Variants in ADAMTS9 observed in about 807,000 individuals in gnomAD.
ADAMTS9 encodes the protein A disintegrin and metalloproteinase with thrombospondin motifs 9.
In ADAMTS9, 107 loss-of-function variants were observed where a neutral mutation model predicts 257.1. The ratio of observed to expected loss-of-function variants is 0.42; its 90% CI spans 0.36 to 0.49. The LOEUF (loss-of-function observed/expected upper bound fraction) is 0.49. ADAMTS9 is among the 20% of genes least tolerant of loss of function. ADAMTS9 has a pLI of 0.03. For synonymous variants in ADAMTS9, 982 were observed against 880.9 expected (o/e 1.11, Z -2.03); for missense variants, 2,353 against 2,469.1 (o/e 0.95, Z 1.00).
chr3:64,596,512 T>C (rs911386882), intron 27 of ADAMTS9, among the ~76,000 whole-genome samples: 2 of 152,186 alleles, frequency 1.3e-5, no homozygotes, highest in African/African-American at 4.8e-5. Context: ...AAGACTTCCA[T>C]GGACCGATTT....
chr3:64,667,888 A>C (rs1481393016), intron 3 of ADAMTS9, among the ~76,000 whole-genome samples: 2 of 152,222 alleles, frequency 1.3e-5, no homozygotes, highest in African/African-American at 4.8e-5. Flanking sequence ...GGGACACTTG[A>C]AATAACTTGA....
chr3:64,604,352 A>G (rs1449519169), intron 23 of ADAMTS9, 21 bp from the exon 24 acceptor site: 1 of 1,528,510 alleles, frequency 6.5e-7, no homozygotes, highest in Non-Finnish European at 8.9e-7. Flanking sequence ...TGGGGGAAAA[A>G]AAAACAAAGT....
chr3:64,620,814 A>G (rs1315368539), intron 19 of ADAMTS9, among the ~76,000 whole-genome samples: 2 of 152,200 alleles, frequency 1.3e-5, no homozygotes, highest in African/African-American at 4.8e-5. Flanking sequence ...TTTCACGTAC[A>G]ATGTGACTCA....
At chr3:64,526,768 T>C (rs1052067385) in intron 38 of ADAMTS9, among the ~76,000 whole-genome samples, 1 of 152,176 alleles carries the variant, frequency 6.6e-6, no homozygotes, top group African/African-American at 2.4e-5. Flanking sequence ...GGGATAATAA[T>C]AGTACCCCAT....
chr3:64,578,620 A>G (rs534573206), intron 28 of ADAMTS9, among the ~76,000 whole-genome samples: 3 of 152,318 alleles, frequency 2.0e-5, no homozygotes, highest in African/African-American at 7.2e-5. Context: ...TTTAACAGAG[A>G]TATGAAGTGA....
chr3:64,545,600 G>A (rs974380929), intron 32 of ADAMTS9, among the ~76,000 whole-genome samples: 1 of 152,022 alleles, frequency 6.6e-6, no homozygotes, highest in Non-Finnish European at 1.5e-5. Flanking sequence ...ACATACCGGG[G>A]CCTGTCATGG....
In ADAMTS9 at chr3:64,539,258, T is replaced by A; in HGVS notation, c.5558A>T (p.His1853Leu). Residue 1853 changes from histidine (H) to leucine (L), a missense_variant, in exon 37 of 40, where the codon CAT (histidine) becomes CTT (leucine). His to Leu is a moderately conservative substitution (Grantham distance 99). This residue lies in a region of ADAMTS9 where 1,402 missense variants were observed against 1,441.4 expected (regional missense o/e 0.97). Coordinates refer to ENST00000498707, the MANE Select transcript of ADAMTS9 (RefSeq NM_182920.2). Reference sequence around the variant, plus strand: ...CCCGGCTGTGGCAAAAGGGACGGGATGTCCTTCGCTTGTCCTTGCAAACTG... The same window carrying A: ...CCCGGCTGTGGCAAAAGGGACGGGAAGTCCTTCGCTTGTCCTTGCAAACTG... The part of the protein sequence containing the change: ...DLQFARTSEG[H>L]PVPFATAGDC... 1 of 1,614,086 alleles carries A rather than the reference T, an allele frequency of 6.2e-7. No individual in the cohort carries two copies. The highest frequency in any genetic ancestry group is 8.5e-7 in the Non-Finnish European group (1 of 1,179,954).
At position 64,596,958 on chromosome 3, in the gene ADAMTS9, G is replaced by A. The variant is rs766612555; in HGVS notation, c.4051C>T (p.Arg1351Cys). 8 of 1,611,438 alleles carry A rather than the reference G, an allele frequency of 5.0e-6. No homozygotes were observed. Among genetic ancestry groups the A allele is most frequent in the African/African-American group, 1.3e-5 (1 of 74,672 alleles). ...TTTTCATCCTGACATACAACAACAC[G>A]CCGCTGGGATCCGCCAGCACAGGTA... ...SSTCAGGSQR[R>C]VVVCQDENGY... The change falls in exon 27 of 40, where the codon CGT (arginine) becomes TGT (cysteine). Residue 1351 changes from arginine to cysteine, a missense_variant. Coordinates refer to ENST00000498707, the MANE Select transcript of ADAMTS9 (RefSeq NM_182920.2).
At chr3:64,622,667 G>A (rs1417343851) in intron 16 of ADAMTS9, 81 bp from the exon 17 acceptor site, 10 of 1,485,366 alleles carry the variant, frequency 6.7e-6, no homozygotes, top group Non-Finnish European at 8.3e-6. Flanking sequence ...ATCTGGATAG[G>A]TAGAGAGTCG....
intron 16 of ADAMTS9, among the ~76,000 whole-genome samples, chr3:64,631,004 G>A (rs1203573474): frequency 6.6e-6 from 1 of 152,134 alleles, no homozygotes. Context: ...GCAACGAACA[G>A]GCATAATGAA....
intron 12 of ADAMTS9, among the ~76,000 whole-genome samples, chr3:64,635,065 A>G (rs937141326): frequency 6.6e-6 from 1 of 152,120 alleles, no homozygotes; most frequent in African/African-American, 2.4e-5. Context: ...AATGTTACCT[A>G]CTATGATACT....
intron 23 of ADAMTS9, among the ~76,000 whole-genome samples, chr3:64,605,292 G>T (rs72889095): frequency 6.6e-6 from 1 of 152,272 alleles, no homozygotes; most frequent in Admixed American, 6.5e-5. Context: ...GAATCTGAAA[G>T]GGAGCAGCCA....
chr3:64,631,239 G>C (rs371234633), intron 16 of ADAMTS9, among the ~76,000 whole-genome samples: 5 of 152,182 alleles, frequency 3.3e-5, no homozygotes, highest in South Asian at 2.1e-4. Context: ...TAAATCCCTT[G>C]ATATCAAATA....
Position 64,686,500 on chromosome 3 carries a change from G to A in ADAMTS9, c.516+68C>T. 6.7e-7 allele frequency: 1 copy of A among 1,492,624 alleles called. No individual in the cohort carries two copies. The highest frequency in any genetic ancestry group is 1.4e-5 in the South Asian group (1 of 73,452). 92.5% of individuals were successfully genotyped at this position (1,492,624 alleles called of 1,614,324 possible). Reference sequence around the variant, plus strand: ...ACAGTGAGGGTCTCTAGGCTTAGAGGACAATTAAGTCTTCTAGAAGCGGGC... The same window carrying A: ...ACAGTGAGGGTCTCTAGGCTTAGAGAACAATTAAGTCTTCTAGAAGCGGGC... On this transcript the variant is annotated intron_variant, in intron 2 of 39. Coordinates refer to ENST00000498707, the MANE Select transcript of ADAMTS9 (RefSeq NM_182920.2). The surrounding 1 kb of genome is among the most constrained non-coding windows in gnomAD (Gnocchi z 4.6).
At chr3:64,628,422 G>A (rs762471231) in intron 16 of ADAMTS9, among the ~76,000 whole-genome samples, 3 of 152,110 alleles carry the variant, frequency 2.0e-5, no homozygotes, top group African/African-American at 7.2e-5. Context: ...TGGCCTTCAG[G>A]TCTCAGGAAA....
chr3:64,611,764 G>T (rs2084669161), intron 22 of ADAMTS9, among the ~76,000 whole-genome samples: 1 of 152,190 alleles, frequency 6.6e-6, no homozygotes, highest in Non-Finnish European at 1.5e-5. Flanking sequence ...AACTGTTGCT[G>T]TGCAGCCTGG....
At chr3:64,600,051 CTT>C (rs35753372) in intron 26 of ADAMTS9, among the ~76,000 whole-genome samples, 2,880 of 104,200 alleles carry the variant, frequency 0.028, 42 homozygotes, top group African/African-American at 0.08. Flanking sequence ...AGTTTCTGTT[CTT>C]TTTTTTTTTT....
chr3:64,602,365 T>C (rs1428197997), intron 25 of ADAMTS9, 152 bp from the exon 26 acceptor site: 7 of 794,140 alleles, frequency 8.8e-6, no homozygotes, highest in East Asian at 5.2e-5. Context: ...TTTTTTCCCA[T>C]CCCATATCCA....
chr3:64,608,126 G>A (rs2084591664), intron 22 of ADAMTS9, among the ~76,000 whole-genome samples: 1 of 150,334 alleles, frequency 6.7e-6, no homozygotes, highest in Non-Finnish European at 1.5e-5. Flanking sequence ...TGCAATGAAA[G>A]CAATGTTCAC....
Sources: gnomAD v4.1 joint callset for allele counts (sites outside exome capture counted in the v4.1 genomes callset) on GRCh38, gnomAD v4.1.1 for gene constraint, gnomAD v4.1.1 regional missense constraint, Gnocchi (gnomAD v3.1) non-coding constraint, MANE v1.5 for transcripts, NCBI Gene and HGNC (gene_info 2026-07-23, HGNC 2026-07-21) for gene names.